Variants in TACR3 observed in about 807,000 individuals in gnomAD.
TACR3 encodes the protein tachykinin receptor 3.
TACR3 carries 34 observed loss-of-function variants against 35.0 expected under a neutral mutation model. The observed-to-expected ratio is 0.97, with a 90% confidence interval of 0.74 to 1.30. The LOEUF is 1.30. TACR3 is among the 50% of genes most tolerant of loss of function. The probability of loss-of-function intolerance (pLI) is 0.00; values close to 1 mark genes in which losing one functional copy is unlikely to be tolerated. For missense variants in TACR3, 558 were observed against 591.7 expected, an observed-to-expected ratio of 0.94 and a Z score of 0.59; for synonymous variants, 233 against 221.1, an observed-to-expected ratio of 1.05 and a Z score of -0.48.
intron 3 of TACR3, among the ~76,000 whole-genome samples, chr4:103,642,251 A>G (rs993776797): frequency 2.0e-5 from 3 of 151,266 alleles, no homozygotes; most frequent in Admixed American, 6.6e-5. Context: ...ATATAATCAC[A>G]TCATATATAA....
rs187980654 is a variant in TACR3 at position 103,621,159 on chromosome 4, C to G, written c.889-29476G>C. Among the ~76,000 whole-genome samples the G allele has an allele frequency of 1.2e-4, 19 of 152,286 alleles. No homozygotes were observed. In the East Asian group the frequency reaches 3.5e-3, roughly 28 times the overall value. On this transcript the variant is annotated intron_variant, in intron 3 of 4. Transcript: ENST00000304883. ...TGAGGAAGTGGAGATATTGAAGAGT[C>G]CTTCTAGAAGAATAGCTGTCTGTGA...
intron 1 of TACR3, among the ~76,000 whole-genome samples, chr4:103,707,835 C>T (rs148322626): frequency 1.9e-3 from 282 of 152,262 alleles, no homozygotes; most frequent in Non-Finnish European, 2.0e-3. Context: ...TCTTAGCAAA[C>T]GGCACACCAG....
chr4:103,659,211 G>C (rs935668871), intron 1 of TACR3, among the ~76,000 whole-genome samples: 19 of 152,152 alleles, frequency 1.2e-4, no homozygotes, highest in Non-Finnish European at 2.5e-4. Context: ...GCCAGGAACT[G>C]GTACTGGTCC....
intron 1 of TACR3, among the ~76,000 whole-genome samples, chr4:103,696,783 C>CCAT (rs1247015168): frequency 1.3e-5 from 2 of 152,192 alleles, no homozygotes; most frequent in Non-Finnish European, 2.9e-5. Context: ...AACATTCCCT[C>CCAT]CATCAGTTAT....
intron 1 of TACR3, among the ~76,000 whole-genome samples, chr4:103,704,837 A>G (rs568343237): frequency 1.4e-4 from 22 of 152,234 alleles, no homozygotes; most frequent in Non-Finnish European, 3.1e-4. Flanking sequence ...AGGACACTAT[A>G]GCAAGAAATG....
intron 1 of TACR3, among the ~76,000 whole-genome samples, chr4:103,711,106 A>G (rs1028222728): frequency 6.6e-6 from 1 of 152,206 alleles, no homozygotes; most frequent in Admixed American, 6.5e-5. Context: ...TATTCCAACC[A>G]GTAGAAAAAG....
chr4:103,703,792 T>C (rs1376325324), intron 1 of TACR3, among the ~76,000 whole-genome samples: 2 of 151,754 alleles, frequency 1.3e-5, no homozygotes, highest in Non-Finnish European at 2.9e-5. Flanking sequence ...TGAAGGAACT[T>C]TGGGTATTAA....
chr4:103,653,458 A>C (rs529551479), intron 3 of TACR3, among the ~76,000 whole-genome samples: 27 of 152,240 alleles, frequency 1.8e-4, no homozygotes, highest in African/African-American at 5.8e-4. Flanking sequence ...CACTGGGTTT[A>C]TTTTAATTTG....
At chr4:103,704,327 C>G (rs141542239) in intron 1 of TACR3, among the ~76,000 whole-genome samples, 1 of 151,956 alleles carries the variant, frequency 6.6e-6, no homozygotes, top group Non-Finnish European at 1.5e-5. Flanking sequence ...GCATCCTACT[C>G]CAGTGAAATG....
chr4:103,636,696 C>T (rs1278459060), intron 3 of TACR3, among the ~76,000 whole-genome samples: 4 of 151,570 alleles, frequency 2.6e-5, no homozygotes, highest in Admixed American at 2.6e-4. Context: ...GCTAGCAAGA[C>T]TAATAAAGAA....
At chr4:103,645,750 C>T (rs1242094561) in intron 3 of TACR3, among the ~76,000 whole-genome samples, 1 of 151,912 alleles carries the variant, frequency 6.6e-6, no homozygotes, top group Admixed American at 6.6e-5. Context: ...AACTAAATGC[C>T]TCTTGTGTAA....
At chr4:103,675,935 C>T (rs534692196) in intron 1 of TACR3, among the ~76,000 whole-genome samples, 1 of 152,244 alleles carries the variant, frequency 6.6e-6, no homozygotes, top group South Asian at 2.1e-4. Flanking sequence ...CTTGCTCATA[C>T]CTTTTATTTA....
At chr4:103,601,034 ATCTG>A (rs1233974250) in intron 3 of TACR3, among the ~76,000 whole-genome samples, 1 of 152,022 alleles carries the variant, frequency 6.6e-6, no homozygotes, top group Non-Finnish European at 1.5e-5. Flanking sequence ...TCTCTCGTTG[ATCTG>A]TCTAATGTTG....
At chr4:103,614,531 G>A (rs1449440730) in intron 3 of TACR3, among the ~76,000 whole-genome samples, 1 of 152,144 alleles carries the variant, frequency 6.6e-6, no homozygotes, top group Non-Finnish European at 1.5e-5. Flanking sequence ...AGTCTTCATT[G>A]CACAGTAGTG....
intron 2 of TACR3, 109 bp downstream of exon 2, chr4:103,658,106 G>C (rs1431538719): frequency 1.8e-6 from 2 of 1,094,946 alleles, no homozygotes; most frequent in African/African-American, 3.1e-5. Flanking sequence ...TCCAAATAAT[G>C]TATGAACCCT....
chr4:103,711,153 T>A (rs1284990141), intron 1 of TACR3, among the ~76,000 whole-genome samples: 2 of 152,172 alleles, frequency 1.3e-5, no homozygotes, highest in African/African-American at 4.8e-5. Context: ...GAGGCCAGCA[T>A]CATCCTGACA....
chr4:103,628,604 A>G (rs1194350147), intron 3 of TACR3, among the ~76,000 whole-genome samples: 1 of 152,238 alleles, frequency 6.6e-6, no homozygotes, highest in Non-Finnish European at 1.5e-5. Context: ...ACCAGGAAGA[A>G]GTCAAATCTC....
intron 1 of TACR3, among the ~76,000 whole-genome samples, chr4:103,659,927 G>T (rs1004869293): frequency 6.6e-6 from 1 of 151,900 alleles, no homozygotes; most frequent in Non-Finnish European, 1.5e-5. Flanking sequence ...AATAAAACAC[G>T]ATCTTTATGT....
chr4:103,698,345 A>G (rs969503824), intron 1 of TACR3, among the ~76,000 whole-genome samples: 3 of 152,132 alleles, frequency 2.0e-5, no homozygotes, highest in Non-Finnish European at 4.4e-5. Flanking sequence ...ACTCAATTTC[A>G]TAAGTGCCTA....
Sources: allele counts gnomAD v4.1 joint callset (sites outside exome capture counted in the v4.1 genomes callset), GRCh38; gene constraint gnomAD v4.1.1; transcripts MANE v1.5; gene names NCBI Gene and HGNC (gene_info 2026-07-23, HGNC 2026-07-21).